The following CCSER1 variants were observed in gnomAD, a reference collection of about 807,000 sequenced individuals.
CCSER1 encodes serine-rich coiled-coil domain-containing protein 1.
CCSER1 carries 41 observed loss-of-function variants against 82.0 expected under a neutral mutation model. The ratio of observed to expected loss-of-function variants is 0.50; its 90% confidence interval spans 0.39 to 0.65. The LOEUF (loss-of-function observed/expected upper bound fraction) is 0.65, where lower values mean the gene tolerates loss of function less well. Among genes scored for constraint, CCSER1 ranks in the 30% least tolerant of loss-of-function variants. The pLI is 0.00. For missense variants in CCSER1, 1,119 were observed against 1,064.2 expected, an observed-to-expected ratio of 1.05 and a Z score of -0.72; for synonymous variants, 414 against 383.9, an observed-to-expected ratio of 1.08 and a Z score of -0.92.
At chr4:91,083,918 T>C (rs1295305064) in intron 9 of CCSER1, among the ~76,000 whole-genome samples, 2 of 152,108 alleles carry the variant, frequency 1.3e-5, no homozygotes, top group African/African-American at 4.8e-5. Flanking sequence ...GGTAGGAAAA[T>C]TGAGGGTCAG....
intron 10 of CCSER1, among the ~76,000 whole-genome samples, chr4:91,517,792 T>C (rs998340232): frequency 2.1e-4 from 31 of 146,738 alleles, no homozygotes; most frequent in Non-Finnish European, 3.3e-4. Flanking sequence ...GTGTTTAACT[T>C]TGATATAAAT....
intron 10 of CCSER1, among the ~76,000 whole-genome samples, chr4:91,575,666 A>C (rs1345304257): frequency 1.3e-5 from 2 of 152,010 alleles, no homozygotes; most frequent in African/African-American, 4.8e-5. Context: ...AAAGATGAAA[A>C]ATAGCTAAAA....
intron 10 of CCSER1, among the ~76,000 whole-genome samples, chr4:91,145,800 A>C (rs1332579656): frequency 6.6e-6 from 1 of 152,176 alleles, no homozygotes; most frequent in Non-Finnish European, 1.5e-5. Flanking sequence ...CTGGCTTTTA[A>C]GGTTCAAGCC....
chr4:90,985,232 A>C (rs2150432751), intron 9 of CCSER1, among the ~76,000 whole-genome samples: 1 of 151,796 alleles, frequency 6.6e-6, no homozygotes, highest in South Asian at 2.1e-4. Context: ...ACAGATCTAC[A>C]TCTTATTTTG....
rs180818346 is a variant in CCSER1, at chr4:91,568,532, G to A, written c.2218-30040G>A. 1.9e-3 allele frequency among the ~76,000 whole-genome samples: 291 copies of A among 152,234 alleles called. 1 individual carries two copies. The highest frequency in any genetic ancestry group is 6.5e-3 in the African/African-American group (270 of 41,554). ...TCATATAATCTCATACTTCTTGGAA[G>A]TTTTGTTCATTCATTTTTATTTTTG... On this transcript the variant is annotated intron_variant, in intron 10 of 10. Coordinates refer to ENST00000509176, the MANE Select transcript of CCSER1 (RefSeq NM_001145065.2).
intron 3 of CCSER1, among the ~76,000 whole-genome samples, chr4:90,362,164 A>T (rs1377566684): frequency 6.6e-6 from 1 of 152,178 alleles, no homozygotes; most frequent in African/African-American, 2.4e-5. Context: ...ACTCTCACAC[A>T]GGGATCTTGT....
At chr4:91,204,883 C>T (rs1736216914) in intron 10 of CCSER1, among the ~76,000 whole-genome samples, 1 of 151,446 alleles carries the variant, frequency 6.6e-6, no homozygotes. Context: ...TTGGAAATAA[C>T]TTGCTTTTGT....
chr4:90,565,461 G>A (rs1215806732), intron 5 of CCSER1, among the ~76,000 whole-genome samples: 2 of 152,158 alleles, frequency 1.3e-5, no homozygotes, highest in African/African-American at 4.8e-5. Flanking sequence ...TCTGCACACA[G>A]AGAGAACTTA....
At chr4:90,861,732 G>A (rs1209833796) in intron 8 of CCSER1, among the ~76,000 whole-genome samples, 1 of 151,474 alleles carries the variant, frequency 6.6e-6, no homozygotes, top group African/African-American at 2.4e-5. Flanking sequence ...AACATTTAAT[G>A]TACTTTGTGA....
At chr4:90,396,172 G>A (rs1279730065) in intron 3 of CCSER1, among the ~76,000 whole-genome samples, 1 of 152,040 alleles carries the variant, frequency 6.6e-6, no homozygotes, top group Non-Finnish European at 1.5e-5. Flanking sequence ...TTATCTACCA[G>A]GAGATGAGAA....
intron 4 of CCSER1, among the ~76,000 whole-genome samples, chr4:90,400,840 T>C (rs149076828): frequency 0.01 from 1,543 of 152,278 alleles, 17 homozygotes; most frequent in South Asian, 0.03. Flanking sequence ...CATTTACACT[T>C]AATTTTTTTG....
At chr4:91,064,936 T>C (rs1267066341) in intron 9 of CCSER1, among the ~76,000 whole-genome samples, 1 of 152,168 alleles carries the variant, frequency 6.6e-6, no homozygotes, top group Admixed American at 6.6e-5. Context: ...ATCCTGATAT[T>C]CTAAACCTAG....
chr4:91,591,638 T>A (rs1313405029), intron 10 of CCSER1, among the ~76,000 whole-genome samples: 1 of 152,138 alleles, frequency 6.6e-6, no homozygotes, highest in East Asian at 1.9e-4. Flanking sequence ...TTAGATAATA[T>A]TATGACCACT....
At chr4:90,930,910 TTATATATATATA>T (rs70963098) in intron 9 of CCSER1, among the ~76,000 whole-genome samples, 3 of 109,650 alleles carry the variant, frequency 2.7e-5, no homozygotes, top group East Asian at 5.1e-4. Flanking sequence ...TATCCTTATT[TTATATATATATA>T]TATATATATA....
chr4:90,520,356 A>G (rs922191091), intron 5 of CCSER1, among the ~76,000 whole-genome samples: 1 of 152,132 alleles, frequency 6.6e-6, no homozygotes, highest in Non-Finnish European at 1.5e-5. Context: ...ATTTGTATCC[A>G]TAAATTAGTT....
chr4:91,402,277 G>A (rs1752393267), intron 10 of CCSER1, among the ~76,000 whole-genome samples: 1 of 152,090 alleles, frequency 6.6e-6, no homozygotes, highest in Non-Finnish European at 1.5e-5. Flanking sequence ...TAAGTTCTTT[G>A]TAGATTCTGG....
At chr4:91,166,902 A>G (rs959209517) in intron 10 of CCSER1, among the ~76,000 whole-genome samples, 1 of 152,124 alleles carries the variant, frequency 6.6e-6, no homozygotes, top group African/African-American at 2.4e-5. Context: ...TAGTTTTCTG[A>G]TAGAATTTAC....
intron 10 of CCSER1, among the ~76,000 whole-genome samples, chr4:91,266,858 T>A (rs1001780856): frequency 4.6e-5 from 7 of 152,216 alleles, no homozygotes; most frequent in Non-Finnish European, 1.0e-4. Context: ...GACTATGGAA[T>A]ATTTGGTATT....
chr4:90,667,819 T>C (rs1732081614), intron 6 of CCSER1, among the ~76,000 whole-genome samples: 1 of 152,210 alleles, frequency 6.6e-6, no homozygotes, highest in Non-Finnish European at 1.5e-5. Flanking sequence ...TTATTATTAA[T>C]GGTCATTGCT....
Sources: allele counts gnomAD v4.1 joint callset (sites outside exome capture counted in the v4.1 genomes callset), GRCh38; gene constraint gnomAD v4.1.1; transcripts MANE v1.5; gene names NCBI Gene and HGNC (gene_info 2026-07-23, HGNC 2026-07-21).